The following RALYL variants were observed in gnomAD, a reference collection of about 807,000 sequenced individuals.
RALYL encodes RNA-binding Raly-like protein.
RALYL carries 29 observed loss-of-function variants against 35.1 expected under a neutral mutation model. The ratio of observed to expected loss-of-function variants is 0.83; its 90% CI spans 0.61 to 1.13. The LOEUF is 1.13. Among genes scored for constraint, RALYL ranks in the 50% most tolerant of loss-of-function variants. RALYL has a pLI of 0.00. For synonymous variants in RALYL, 120 were observed against 127.6 expected, an observed-to-expected ratio of 0.94 and a Z score of 0.40; for missense variants, 359 against 360.4, an observed-to-expected ratio of 1.00 and a Z score of 0.03.
chr8:84,760,034 G>T (rs1812320701), intron 2 of RALYL, among the ~76,000 whole-genome samples: 1 of 152,120 alleles, frequency 6.6e-6, no homozygotes. Context: ...GCTAGACATA[G>T]TAATTATGCC....
chr8:84,528,333 T>C (rs771651619), intron 1 of RALYL, among the ~76,000 whole-genome samples: 25 of 151,790 alleles, frequency 1.6e-4, no homozygotes, highest in Non-Finnish European at 3.2e-4. Flanking sequence ...TTAGCAAATG[T>C]TGTGGAAGGA....
At chr8:84,607,387 A>G (rs937304523) in intron 2 of RALYL, among the ~76,000 whole-genome samples, 4 of 152,202 alleles carry the variant, frequency 2.6e-5, no homozygotes, top group African/African-American at 9.6e-5. Flanking sequence ...CAGAGTAATT[A>G]TAAATTCAAA....
At chr8:84,837,543 T>G (rs1371291811) in intron 4 of RALYL, among the ~76,000 whole-genome samples, 2 of 152,164 alleles carry the variant, frequency 1.3e-5, no homozygotes. Context: ...TCAAAGGGAT[T>G]AGATAAAATT....
intron 2 of RALYL, 151 bp from the exon 3 acceptor site, chr8:84,774,428 G>A: frequency 1.6e-6 from 1 of 616,602 alleles, no homozygotes. Context: ...CTGACATAGA[G>A]TAAATGCTCA....
chr8:84,450,238 G>T (rs947032571), intron 1 of RALYL, among the ~76,000 whole-genome samples: 1 of 151,926 alleles, frequency 6.6e-6, no homozygotes, highest in East Asian at 1.9e-4. Context: ...ATTAGGGAAT[G>T]ATTACTAAAA....
intron 1 of RALYL, among the ~76,000 whole-genome samples, chr8:84,514,357 C>G (rs1259392299): frequency 1.3e-5 from 2 of 151,916 alleles, no homozygotes; most frequent in Non-Finnish European, 2.9e-5. Context: ...GGTAAGTGGC[C>G]GTCTATCTAT....
chr8:84,415,994 G>A lies in RALYL; in HGVS notation c.-23-113305G>A, dbSNP rs180919077. 7.9e-5 allele frequency among the ~76,000 whole-genome samples: 12 copies of A among 152,292 alleles called. No individual in the cohort carries two copies. In the East Asian group the frequency reaches 2.3e-3, roughly 29 times the overall value. ...CTTTGTAAGGCCAGTGAAAGTGAGTGACGAAGGATCATTTAAAGACAAGGT... is the reference window on the plus strand; with the variant it reads ...CTTTGTAAGGCCAGTGAAAGTGAGTAACGAAGGATCATTTAAAGACAAGGT... On this transcript the variant is annotated intron_variant, in intron 1 of 8. Coordinates refer to ENST00000521268, the MANE Select transcript of RALYL (RefSeq NM_173848.7).
chr8:84,225,423 A>G (rs1823634203), intron 1 of RALYL, among the ~76,000 whole-genome samples: 1 of 152,182 alleles, frequency 6.6e-6, no homozygotes, highest in Admixed American at 6.6e-5. Flanking sequence ...TTAGAACAAT[A>G]TCCAGATTCT....
intron 1 of RALYL, among the ~76,000 whole-genome samples, chr8:84,260,250 GAAA>G (rs1586610525): frequency 6.6e-6 from 1 of 152,112 alleles, no homozygotes; most frequent in Non-Finnish European, 1.5e-5. Context: ...AAAGTTGGAA[GAAA>G]AAAATAGAAA....
intron 8 of RALYL, among the ~76,000 whole-genome samples, chr8:84,888,183 T>G (rs1458594849): frequency 6.6e-6 from 1 of 152,210 alleles, no homozygotes; most frequent in Non-Finnish European, 1.5e-5. Context: ...TTTATACTAT[T>G]TGTATGGCCA....
At chr8:84,612,279 G>T (rs1818478646) in intron 2 of RALYL, among the ~76,000 whole-genome samples, 1 of 151,866 alleles carries the variant, frequency 6.6e-6, no homozygotes, top group Non-Finnish European at 1.5e-5. Context: ...TGGTCCATGT[G>T]GTTGTCTGTA....
At chr8:84,732,683 T>TATATATATATACACACACAC in intron 2 of RALYL, among the ~76,000 whole-genome samples, 9 of 133,248 alleles carry the variant, frequency 6.8e-5, no homozygotes, top group Middle Eastern at 3.6e-3. Context: ...TATATATATA[T>TATATATATATACACACACAC]ACACACACAC....
chr8:84,572,102 T>C (rs2135800115), intron 2 of RALYL, among the ~76,000 whole-genome samples: 1 of 152,006 alleles, frequency 6.6e-6, no homozygotes, highest in Non-Finnish European at 1.5e-5. Flanking sequence ...TAAATGTCCA[T>C]TGGGTCCACT....
chr8:84,575,227 T>C (rs1343416187), intron 2 of RALYL, among the ~76,000 whole-genome samples: 1 of 152,146 alleles, frequency 6.6e-6, no homozygotes, highest in African/African-American at 2.4e-5. Flanking sequence ...TAAACATGTG[T>C]GCCAATTATT....
intron 1 of RALYL, among the ~76,000 whole-genome samples, chr8:84,505,521 A>G (rs570215557): frequency 6.6e-6 from 1 of 152,224 alleles, no homozygotes; most frequent in South Asian, 2.1e-4. Context: ...AAATAAAAAC[A>G]CATACAGAAT....
At chr8:84,365,928 TG>T (rs1379292549) in intron 1 of RALYL, among the ~76,000 whole-genome samples, 6 of 152,208 alleles carry the variant, frequency 3.9e-5, no homozygotes, top group African/African-American at 1.2e-4. Context: ...GACCACACAC[TG>T]ACCGCATGGA....
intron 2 of RALYL, among the ~76,000 whole-genome samples, chr8:84,548,211 T>C (rs1418371047): frequency 6.6e-6 from 1 of 152,124 alleles, no homozygotes; most frequent in African/African-American, 2.4e-5. Context: ...ATTTACTTCC[T>C]TTCCATCTCG....
chr8:84,543,052 A>G (rs966686551), intron 2 of RALYL, among the ~76,000 whole-genome samples: 5 of 152,118 alleles, frequency 3.3e-5, no homozygotes, highest in Non-Finnish European at 7.4e-5. Flanking sequence ...TGATTATTGC[A>G]TCCTTCTGGT....
intron 1 of RALYL, among the ~76,000 whole-genome samples, chr8:84,208,408 T>C (rs1818598065): frequency 6.6e-6 from 1 of 152,270 alleles, no homozygotes; most frequent in African/African-American, 2.4e-5. Flanking sequence ...ATTGGTACCT[T>C]TTTTAGACCT....
Sources: allele counts gnomAD v4.1 joint callset (sites outside exome capture counted in the v4.1 genomes callset), GRCh38; gene constraint gnomAD v4.1.1; transcripts MANE v1.5; gene names NCBI Gene and HGNC (gene_info 2026-07-23, HGNC 2026-07-21).